Variants in SLIT3 observed in about 807,000 individuals in gnomAD.
The protein encoded by SLIT3 is slit guidance ligand 3, also known as slit homolog 3 protein.
Under a neutral mutation model 184.0 loss-of-function variants are expected in SLIT3, and 68 were observed. The ratio of observed to expected loss-of-function variants is 0.37; its 90% CI spans 0.30 to 0.45. The LOEUF (loss-of-function observed/expected upper bound fraction) is 0.45. SLIT3 is among the 20% of genes least tolerant of loss of function. The pLI, the probability that SLIT3 is intolerant of heterozygous loss-of-function variation, is 1.00. For synonymous variants in SLIT3, 831 were observed against 828.6 expected (o/e 1.00, Z -0.05); for missense variants, 1,707 against 2,026.0 (o/e 0.84, Z 3.02).
In SLIT3 at chr5:169,182,633, C is replaced by A. The variant is rs147515115; in HGVS notation, c.413+10846G>T. ...CTCTTTAGAAATGTTTCTGTTGATG[C>A]TGAATGTGGTTCAGGAACAAATATT... is the stretch of plus-strand genomic sequence containing the variant. On this transcript the variant is annotated intron_variant, in intron 4 of 35. Transcript: ENST00000519560. Among the ~76,000 whole-genome samples the A allele has an allele frequency of 2.0e-5, 3 of 152,310 alleles. No individual in the cohort carries two copies. The East Asian group carries it at 5.8e-4, about 29-fold the overall frequency.
At chr5:168,958,074 C>A (rs1762890955) in intron 4 of SLIT3, among the ~76,000 whole-genome samples, 1 of 152,284 alleles carries the variant, frequency 6.6e-6, no homozygotes, top group African/African-American at 2.4e-5. Context: ...TAAGATAACT[C>A]CAGTATATTG....
intron 5 of SLIT3, among the ~76,000 whole-genome samples, chr5:168,848,191 G>C (rs1223307732): frequency 2.0e-5 from 3 of 152,212 alleles, no homozygotes; most frequent in African/African-American, 7.2e-5. Context: ...CTAGGAAAAG[G>C]TGTCAGGGCT....
At chr5:169,125,117 G>C (rs997948045) in intron 4 of SLIT3, among the ~76,000 whole-genome samples, 1 of 151,852 alleles carries the variant, frequency 6.6e-6, no homozygotes, top group Non-Finnish European at 1.5e-5. Flanking sequence ...GCGCAATCTC[G>C]GCTCACTGCA....
At chr5:169,078,592 C>CCCA (rs1323350585) in intron 4 of SLIT3, among the ~76,000 whole-genome samples, 14 of 152,160 alleles carry the variant, frequency 9.2e-5, no homozygotes, top group African/African-American at 3.1e-4. Flanking sequence ...CCAGCTTCTC[C>CCCA]CTCCTATCAC....
At chr5:168,874,412 C>T (rs550549485) in intron 5 of SLIT3, among the ~76,000 whole-genome samples, 4 of 152,290 alleles carry the variant, frequency 2.6e-5, no homozygotes, top group Non-Finnish European at 4.4e-5. Context: ...TATTCCTTCG[C>T]TTATTGTTTA....
Position 168,762,572 on chromosome 5 carries a change from A to G in SLIT3, c.1577T>C (p.Ile526Thr). Residue 526 changes from isoleucine to threonine, a missense_variant, in exon 15 of 36, where the codon ATC becomes ACC. Coordinates refer to ENST00000519560, the MANE Select transcript of SLIT3 (RefSeq NM_003062.4). ...VDCSNQKLVR[I>T]PSHLPEYVTD... is the part of the protein sequence containing the mutation. The stretch of plus-strand genomic sequence containing the variant: ...GACATATTCAGGGAGGTGGCTTGGG[A>G]TGCGGACCAGCTTCTGGTTGGAGCA... 2 of 1,613,932 alleles carry G rather than the reference A, an allele frequency of 1.2e-6. No individual in the cohort carries two copies. Among genetic ancestry groups the G allele is most frequent in the Non-Finnish European group, 1.7e-6 (2 of 1,179,924 alleles).
At chr5:168,956,512 G>A (rs757693187) in intron 4 of SLIT3, among the ~76,000 whole-genome samples, 1 of 152,130 alleles carries the variant, frequency 6.6e-6, no homozygotes, top group African/African-American at 2.4e-5. Flanking sequence ...AATCACAGAG[G>A]GGGCCAGGCA....
At chr5:169,088,896 T>TGTA (rs1247769450) in intron 4 of SLIT3, among the ~76,000 whole-genome samples, 1 of 151,312 alleles carries the variant, frequency 6.6e-6, no homozygotes, top group African/African-American at 2.4e-5. Flanking sequence ...GGCGCATGCC[T>TGTA]GTAGTCCCAT....
intron 4 of SLIT3, among the ~76,000 whole-genome samples, chr5:168,960,850 C>T (rs1259916685): frequency 6.6e-6 from 1 of 152,210 alleles, no homozygotes; most frequent in African/African-American, 2.4e-5. Context: ...TTTGCCAACA[C>T]TAATCTTACT....
At chr5:169,248,372 G>C (rs1380395659) in intron 2 of SLIT3, among the ~76,000 whole-genome samples, 1 of 152,102 alleles carries the variant, frequency 6.6e-6, no homozygotes, top group Non-Finnish European at 1.5e-5. Flanking sequence ...CCTAGAACCT[G>C]GCAATCAGAG....
chr5:169,089,293 A>T (rs1398978983), intron 4 of SLIT3, among the ~76,000 whole-genome samples: 1 of 152,076 alleles, frequency 6.6e-6, no homozygotes, highest in South Asian at 2.1e-4. Flanking sequence ...TTTGTGCTGG[A>T]AACTTCTAGA....
chr5:169,106,052 G>C lies in SLIT3; in HGVS notation c.413+87427C>G, dbSNP rs150420697. 4.0e-3 allele frequency among the ~76,000 whole-genome samples: 577 copies of C among 145,304 alleles called. 3 individuals carry two copies. The highest frequency in any genetic ancestry group is 0.014 in the African/African-American group (554 of 40,268). The stretch of plus-strand genomic sequence containing the variant: ...AACAACACATGCTGGAGCCTGTTGG[G>C]GGGGCAGGGGGAATGAGAGCATCAG... On this transcript the variant is annotated intron_variant, in intron 4 of 35. Coordinates refer to ENST00000519560, the MANE Select transcript of SLIT3 (RefSeq NM_003062.4).
intron 32 of SLIT3, among the ~76,000 whole-genome samples, chr5:168,679,172 C>T (rs904894551): frequency 2.0e-5 from 3 of 152,300 alleles, no homozygotes; most frequent in Non-Finnish European, 2.9e-5. Flanking sequence ...GATCCTCCTG[C>T]CTCAGCCTCT....
intron 14 of SLIT3, among the ~76,000 whole-genome samples, chr5:168,766,515 G>T (rs1755350379): frequency 1.3e-5 from 2 of 152,252 alleles, no homozygotes; most frequent in Non-Finnish European, 2.9e-5. Context: ...GTTGGGCAGG[G>T]AGCCGTCCTA....
At chr5:168,740,376 T>C (rs7728435) in intron 20 of SLIT3, among the ~76,000 whole-genome samples, 49,335 of 152,102 alleles carry the variant, frequency 0.32, 9,416 homozygotes, top group East Asian at 0.56. Flanking sequence ...GGGTCTTGCA[T>C]GCTTGCAACA....
At chr5:168,856,766 C>CAT (rs1554149428) in intron 5 of SLIT3, among the ~76,000 whole-genome samples, 1 of 132,866 alleles carries the variant, frequency 7.5e-6, no homozygotes, top group African/African-American at 2.9e-5. Flanking sequence ...CTGAGTTCCT[C>CAT]GTGTGTGTGT....
chr5:168,912,819 C>T (rs1037587713), intron 4 of SLIT3, among the ~76,000 whole-genome samples: 11 of 152,146 alleles, frequency 7.2e-5, no homozygotes, highest in South Asian at 4.1e-4. Flanking sequence ...ACTTTCTGCA[C>T]GGCTCCCTTA....
intron 4 of SLIT3, among the ~76,000 whole-genome samples, chr5:169,130,122 C>T (rs2436404): frequency 0.8 from 122,281 of 152,062 alleles, 49,615 homozygotes; most frequent in South Asian, 0.84. Flanking sequence ...GTTGGGATTA[C>T]AGGCATGAGC....
intron 4 of SLIT3, among the ~76,000 whole-genome samples, chr5:169,088,890 C>T (rs1488545018): frequency 6.6e-6 from 1 of 151,686 alleles, no homozygotes; most frequent in Non-Finnish European, 1.5e-5. Context: ...CATGGTGGCG[C>T]ATGCCTGTAG....
Sources: gnomAD v4.1 joint callset for allele counts (sites outside exome capture counted in the v4.1 genomes callset) on GRCh38, gnomAD v4.1.1 for gene constraint, MANE v1.5 for transcripts, NCBI Gene and HGNC (gene_info 2026-07-23, HGNC 2026-07-21) for gene names.